ARL6: variants seen among roughly 807,000 people sequenced by gnomAD.
ARL6 encodes the protein ADP-ribosylation factor-like protein 6.
A neutral mutation model predicts 27.1 loss-of-function variants in ARL6; 18 were observed. The ratio of observed to expected loss-of-function variants is 0.66; its 90% confidence interval spans 0.46 to 0.98. The LOEUF (loss-of-function observed/expected upper bound fraction) is 0.98. Ranked by LOEUF, ARL6 falls within the 50% of genes least tolerant of loss-of-function variation. The probability of loss-of-function intolerance (pLI) is 0.00; values close to 1 mark genes in which losing one functional copy is unlikely to be tolerated. For synonymous variants in ARL6, 65 were observed against 72.3 expected (o/e 0.90, Z 0.51); for missense variants, 187 against 214.9 (o/e 0.87, Z 0.81).
chr3:97,775,164 T>G (rs2036830610), intron 2 of ARL6, among the ~76,000 whole-genome samples: 1 of 152,160 alleles, frequency 6.6e-6, no homozygotes, highest in African/African-American at 2.4e-5. Flanking sequence ...AACTCCATCC[T>G]TAATATTCTG....
At chr3:97,793,021 C>T (rs1298781597) in intron 7 of ARL6, among the ~76,000 whole-genome samples, 2 of 151,998 alleles carry the variant, frequency 1.3e-5, no homozygotes, top group Non-Finnish European at 2.9e-5. Flanking sequence ...TAGCACATAT[C>T]ATGGTAGATC....
At chr3:97,777,392 T>C (rs2036960520) in intron 2 of ARL6, among the ~76,000 whole-genome samples, 1 of 151,688 alleles carries the variant, frequency 6.6e-6, no homozygotes, top group Admixed American at 6.6e-5. Flanking sequence ...CTATATAAAA[T>C]GGTATAGTAT....
intron 1 of ARL6, 35 bp from the exon 2 acceptor site, chr3:97,768,046 C>T (rs766418033): frequency 1.6e-5 from 25 of 1,585,216 alleles, no homozygotes; most frequent in East Asian, 1.6e-4. Flanking sequence ...ACTTAAGGTG[C>T]CTTTGGGTAA....
intron 2 of ARL6, among the ~76,000 whole-genome samples, chr3:97,777,619 G>A (rs535897642): frequency 6.6e-6 from 1 of 152,218 alleles, no homozygotes; most frequent in Admixed American, 6.5e-5. Flanking sequence ...GATACAGAGG[G>A]CTGACTGTAA....
chr3:97,772,769 G>A (rs1401072817), intron 2 of ARL6, among the ~76,000 whole-genome samples: 1 of 151,632 alleles, frequency 6.6e-6, no homozygotes, highest in African/African-American at 2.4e-5. Flanking sequence ...TTATAGGCAT[G>A]CACCACCATG....
intron 6 of ARL6, among the ~76,000 whole-genome samples, chr3:97,788,823 A>G (rs1034141123): frequency 6.6e-6 from 1 of 152,196 alleles, no homozygotes; most frequent in Non-Finnish European, 1.5e-5. Flanking sequence ...AAATATTCTA[A>G]TAAGGATAAA....
Position 97,788,002 on chromosome 3 carries a change from G to A in ARL6, c.362G>A (p.Arg121His), listed in dbSNP as rs765715798. 26 of 1,613,060 alleles carry A rather than the reference G, an allele frequency of 1.6e-5. No individual in the cohort carries two copies. Among genetic ancestry groups the A allele is most frequent in the Middle Eastern group, 1.6e-4 (1 of 6,068 alleles). Residue 121 changes from arginine to histidine, a missense_variant, in exon 6 of 8, where the codon CGT becomes CAT. By Grantham distance (29) the Arg-to-His change is conservative. Coordinates refer to ENST00000463745, the MANE Select transcript of ARL6 (RefSeq NM_001278293.3). ...TTTTCTCTTTTAGATATTAAACACC[G>A]TCGAATTCCAATCTTATTCTTTGCA... The part of the protein sequence containing the change: ...TLLNHPDIKH[R>H]RIPILFFANK...
chr3:97,785,808 C>T (rs578150494), intron 5 of ARL6, among the ~76,000 whole-genome samples: 58 of 152,226 alleles, frequency 3.8e-4, no homozygotes, highest in African/African-American at 1.4e-3. Context: ...CTCTGCATTT[C>T]TAGCCTTCCT....
At chr3:97,789,146 C>T (rs909636389) in intron 6 of ARL6, among the ~76,000 whole-genome samples, 3 of 152,102 alleles carry the variant, frequency 2.0e-5, no homozygotes, top group Non-Finnish European at 2.9e-5. Context: ...TATTCAGAGC[C>T]TCCAGCACCT....
chr3:97,766,295 A>G (rs2036379624), intron 1 of ARL6, among the ~76,000 whole-genome samples: 1 of 152,230 alleles, frequency 6.6e-6, no homozygotes, highest in African/African-American at 2.4e-5. Flanking sequence ...TTGAAATCAA[A>G]TGGTATGTGT....
At chr3:97,785,520 T>C (rs971873006) in intron 5 of ARL6, among the ~76,000 whole-genome samples, 1 of 151,744 alleles carries the variant, frequency 6.6e-6, no homozygotes, top group Non-Finnish European at 1.5e-5. Context: ...CCCAAAAATA[T>C]CTGTAGGGTT....
intron 2 of ARL6, among the ~76,000 whole-genome samples, chr3:97,771,612 T>TATA (rs200886068): frequency 0.012 from 1,795 of 152,222 alleles, 24 homozygotes; most frequent in African/African-American, 0.04. Flanking sequence ...AGGCTTTTAG[T>TATA]TTTTCTCCAT....
chr3:97,774,361 G>A (rs191523127), intron 2 of ARL6, among the ~76,000 whole-genome samples: 98 of 151,870 alleles, frequency 6.5e-4, no homozygotes, highest in African/African-American at 2.3e-3. Context: ...AGAAGCAGGC[G>A]GGGGTATTGA....
chr3:97,788,970 T>C (rs1235238611), intron 6 of ARL6, among the ~76,000 whole-genome samples: 1 of 152,134 alleles, frequency 6.6e-6, no homozygotes, highest in Non-Finnish European at 1.5e-5. Context: ...AGAAGGTATC[T>C]GTGGGGAAGA....
rs1360351374 is a variant in ARL6, at chr3:97,780,207, T to C, written c.172T>C (p.Phe58Leu). The change falls in exon 3 of 8, where the codon TTC (phenylalanine) becomes CTC (leucine). Residue 58 changes from phenylalanine (F) to leucine (L), a missense_variant. Coordinates refer to ENST00000463745, the MANE Select transcript of ARL6 (RefSeq NM_001278293.3). Reference sequence around the variant, plus strand: ...AACAATAGGATTCAGCATAGAGAAATTCAAATCATCCAGGTAATCCACTTT... The same window carrying C: ...AACAATAGGATTCAGCATAGAGAAACTCAAATCATCCAGGTAATCCACTTT... The part of the protein sequence containing the change: ...LPTIGFSIEK[F>L]KSSSLSFTVF... The C allele has an allele frequency of 1.2e-6, 2 of 1,612,420 alleles. No homozygotes were observed. Among genetic ancestry groups the C allele is most frequent in the African/African-American group, 2.7e-5 (2 of 74,890 alleles).
intron 2 of ARL6, among the ~76,000 whole-genome samples, chr3:97,771,576 C>G (rs1030206655): frequency 6.7e-6 from 1 of 148,882 alleles, no homozygotes; most frequent in African/African-American, 2.6e-5. Context: ...AATGAACATC[C>G]TTGTCTTGAT....
chr3:97,797,388 G>A (rs538433561), intron 7 of ARL6, among the ~76,000 whole-genome samples: 1 of 152,110 alleles, frequency 6.6e-6, no homozygotes, highest in African/African-American at 2.4e-5. Context: ...GAAAGAAAAA[G>A]TATACCACCT....
rs964129800 is a variant in ARL6, at chr3:97,800,423, A to G, written c.*2374A>G. The G allele has an allele frequency of 1.3e-4, 20 of 152,174 alleles. No individual in the cohort carries two copies. The highest frequency in any genetic ancestry group is 4.8e-4 in the African/African-American group (20 of 41,450). 9.4% of individuals were successfully genotyped at this position (152,174 alleles called of 1,614,324 possible). ...AGTGTGTTACAGAGTTTAATTCATT[A>G]AGCTCTGTATTTGAATATAACACCT... On this transcript the variant is annotated 3_prime_UTR_variant, in exon 8 of 8. Transcript: ENST00000463745.
intron 4 of ARL6, 103 bp downstream of exon 4, chr3:97,780,786 C>A: frequency 3.6e-6 from 3 of 838,964 alleles, no homozygotes; most frequent in Non-Finnish European, 5.9e-6. Context: ...TTTTTTTTTT[C>A]ATGTAATTTA....
Sources: gnomAD v4.1 joint callset for allele counts (sites outside exome capture counted in the v4.1 genomes callset) on GRCh38, gnomAD v4.1.1 for gene constraint, MANE v1.5 for transcripts, NCBI Gene and HGNC (gene_info 2026-07-23, HGNC 2026-07-21) for gene names.